COL19A1: variants seen among roughly 807,000 people sequenced by gnomAD.
The protein encoded by COL19A1 is collagen alpha-1(XIX) chain.
Under a neutral mutation model 190.2 loss-of-function variants are expected in COL19A1, and 159 were observed. The observed-to-expected ratio is 0.84, with a 90% CI of 0.73 to 0.95. The LOEUF (loss-of-function observed/expected upper bound fraction) is 0.95. Among genes scored for constraint, COL19A1 ranks in the 40% least tolerant of loss-of-function variants. The pLI is 0.00. For synonymous variants in COL19A1, 509 were observed against 458.9 expected (o/e 1.11, Z -1.39); for missense variants, 1,418 against 1,431.9 (o/e 0.99, Z 0.16).
At chr6:70,098,966 C>A (rs1325635026) in intron 15 of COL19A1, among the ~76,000 whole-genome samples, 9 of 147,528 alleles carry the variant, frequency 6.1e-5, no homozygotes, top group Admixed American at 2.1e-4. Flanking sequence ...CACCTGTAAT[C>A]CCAACACTTT....
intron 11 of COL19A1, among the ~76,000 whole-genome samples, chr6:70,018,993 G>C (rs537171488): frequency 3.4e-4 from 52 of 152,224 alleles, no homozygotes; most frequent in Non-Finnish European, 6.6e-4. Context: ...GTAATGGGGA[G>C]GATTGGGCTT....
At chr6:70,058,387 A>C (rs1015758363) in intron 14 of COL19A1, among the ~76,000 whole-genome samples, 6 of 152,006 alleles carry the variant, frequency 3.9e-5, no homozygotes, top group Non-Finnish European at 8.8e-5. Flanking sequence ...GTTTACTACA[A>C]TTGGTAATGA....
At chr6:70,144,129 G>T in intron 23 of COL19A1, 81 bp from the exon 24 acceptor site, 1 of 1,264,386 alleles carries the variant, frequency 7.9e-7, no homozygotes, top group South Asian at 1.3e-5. Flanking sequence ...CTGTTCTCTT[G>T]ACAGAGATTC....
chr6:70,166,057 T>G, intron 37 of COL19A1, 72 bp downstream of exon 37: 2 of 1,220,966 alleles, frequency 1.6e-6, no homozygotes, highest in Non-Finnish European at 2.4e-6. Context: ...GAGGTAAGAC[T>G]ACATTTAGAT....
Position 70,206,901 on chromosome 6 carries a change from G to A in COL19A1, c.3224G>A (p.Gly1075Asp). 6.2e-7 allele frequency: 1 copy of A among 1,613,092 alleles called. No homozygotes were observed. Residue 1075 changes from glycine (G) to aspartate (D), a missense_variant and splice_region_variant, in exon 50 of 51, where the codon GGC (glycine) becomes GAC (aspartate). Coordinates refer to ENST00000620364, the MANE Select transcript of COL19A1 (RefSeq NM_001858.6). ...PGPPGDPGPQ[G>D]YRGQKGERGE... ...TCTTTTTTATATATTTCTCACTTAGGCTACAGAGGACAGAAGGGAGAAAGA... is the reference window on the plus strand; with the variant it reads ...TCTTTTTTATATATTTCTCACTTAGACTACAGAGGACAGAAGGGAGAAAGA...
At chr6:70,120,209 T>C (rs1022094803) in intron 16 of COL19A1, among the ~76,000 whole-genome samples, 1 of 152,212 alleles carries the variant, frequency 6.6e-6, no homozygotes, top group African/African-American at 2.4e-5. Flanking sequence ...TAAGACCCTC[T>C]CTTTTAACTA....
At chr6:70,003,773 A>C (rs981149979) in intron 11 of COL19A1, among the ~76,000 whole-genome samples, 1 of 152,062 alleles carries the variant, frequency 6.6e-6, no homozygotes. Context: ...GTATCTTTGC[A>C]TGTGAGATGG....
chr6:70,018,968 G>T (rs1778269262), intron 11 of COL19A1, among the ~76,000 whole-genome samples: 1 of 152,062 alleles, frequency 6.6e-6, no homozygotes, highest in Non-Finnish European at 1.5e-5. Flanking sequence ...AAATCCCAGA[G>T]GCAGAAAATG....
intron 14 of COL19A1, among the ~76,000 whole-genome samples, chr6:70,067,719 A>C (rs575919212): frequency 1.3e-5 from 2 of 152,180 alleles, no homozygotes; most frequent in South Asian, 4.1e-4. Context: ...GGGAAGAAAG[A>C]AGCAGCAGGA....
intron 12 of COL19A1, among the ~76,000 whole-genome samples, chr6:70,028,717 A>G (rs1456181772): frequency 6.6e-6 from 1 of 152,060 alleles, no homozygotes; most frequent in African/African-American, 2.4e-5. Context: ...ATTCAAAAGT[A>G]CTCAGCATGC....
chr6:69,977,833 T>G (rs928855177), intron 11 of COL19A1, among the ~76,000 whole-genome samples: 4 of 152,144 alleles, frequency 2.6e-5, no homozygotes, highest in African/African-American at 4.8e-5. Context: ...AGAAAGAACA[T>G]GAAATGTAGC....
chr6:70,177,283 G>T (rs1441645005), intron 42 of COL19A1, among the ~76,000 whole-genome samples: 1 of 151,946 alleles, frequency 6.6e-6, no homozygotes, highest in Non-Finnish European at 1.5e-5. Flanking sequence ...TAACATTACA[G>T]GAAAGTCAAT....
chr6:69,924,596 A>G (rs1772229206), intron 4 of COL19A1, among the ~76,000 whole-genome samples: 1 of 152,160 alleles, frequency 6.6e-6, no homozygotes, highest in Non-Finnish European at 1.5e-5. Context: ...AGAATGATTT[A>G]TAATCCTTTG....
intron 2 of COL19A1, among the ~76,000 whole-genome samples, chr6:69,886,528 C>A (rs901113465): frequency 2.0e-5 from 3 of 152,116 alleles, no homozygotes; most frequent in Non-Finnish European, 4.4e-5. Flanking sequence ...TATATCTGCA[C>A]CCCCATATTC....
chr6:70,181,953 A>C (rs1208435784), intron 44 of COL19A1, among the ~76,000 whole-genome samples: 13 of 152,220 alleles, frequency 8.5e-5, no homozygotes, highest in Admixed American at 8.5e-4. Context: ...AGATGTAGGC[A>C]GTGGCCAGAC....
At chr6:70,027,583 G>C (rs1778797317) in intron 12 of COL19A1, among the ~76,000 whole-genome samples, 1 of 151,600 alleles carries the variant, frequency 6.6e-6, no homozygotes, top group Non-Finnish European at 1.5e-5. Flanking sequence ...GTGTGTGTTT[G>C]TATGTGTGTG....
rs934259780 is a variant in COL19A1 at position 70,124,929 on chromosome 6, G to A, written c.1341+2987G>A. On this transcript the variant is annotated intron_variant, in intron 17 of 50. Coordinates refer to ENST00000620364, the MANE Select transcript of COL19A1 (RefSeq NM_001858.6). ...GGCCCCACCAAGAAGGATGGAGGTG[G>A]TGGGACCCACTTTCCCAGCACCCAC... 5.9e-5 allele frequency among the ~76,000 whole-genome samples: 9 copies of A among 152,154 alleles called. No homozygotes were observed. The East Asian group carries it at 9.7e-4, about 16-fold the overall frequency.
At chr6:69,963,504 C>G (rs2150047606) in intron 11 of COL19A1, among the ~76,000 whole-genome samples, 1 of 152,246 alleles carries the variant, frequency 6.6e-6, no homozygotes, top group African/African-American at 2.4e-5. Context: ...GGGTAGCAGT[C>G]AGCCCAAGAT....
intron 31 of COL19A1, among the ~76,000 whole-genome samples, chr6:70,154,866 A>C (rs1168616787): frequency 6.6e-6 from 1 of 152,146 alleles, no homozygotes; most frequent in Non-Finnish European, 1.5e-5. Context: ...AAGACTCAGC[A>C]AGTCAACCCC....
Sources: allele counts gnomAD v4.1 joint callset (sites outside exome capture counted in the v4.1 genomes callset), GRCh38; gene constraint gnomAD v4.1.1; transcripts MANE v1.5; gene names NCBI Gene and HGNC (gene_info 2026-07-23, HGNC 2026-07-21).